Variants in RNF144B observed in about 807,000 individuals in gnomAD.
RNF144B encodes the protein E3 ubiquitin-protein ligase RNF144B.
A neutral mutation model predicts 40.2 loss-of-function variants in RNF144B; 25 were observed. That is an observed-to-expected ratio of 0.62 (90% CI 0.45 to 0.87). The LOEUF (loss-of-function observed/expected upper bound fraction) is 0.87. RNF144B is among the 40% of genes least tolerant of loss of function. The pLI, the probability that RNF144B is intolerant of heterozygous loss-of-function variation, is 0.00. For missense variants in RNF144B, 365 were observed against 373.7 expected (o/e 0.98, Z 0.19); for synonymous variants, 145 against 136.3 (o/e 1.06, Z -0.44).
In RNF144B at chr6:18,463,268, AAATC is replaced by A. The variant is rs752408758; in HGVS notation, c.682-18_682-15del. On this transcript the variant is annotated intron_variant, in intron 6 of 7. Coordinates refer to ENST00000259939, the MANE Select transcript of RNF144B (RefSeq NM_182757.4). ...TCAATTTAAAACTGCATATTTACTG[AAATC>A]AATCTTTTTATTTTTCAGAATGACA... is the stretch of plus-strand genomic sequence containing the variant. 5 of 1,455,470 alleles carry A rather than the reference AAATC, an allele frequency of 3.4e-6. No individual in the cohort carries two copies. The highest frequency in any genetic ancestry group is 4.8e-6 in the Non-Finnish European group (5 of 1,035,372). 90.2% of individuals were successfully genotyped at this position (1,455,470 alleles called of 1,614,324 possible). A position where few individuals can be genotyped will look rare whatever the true frequency, so the allele number is the denominator to read the frequency against.
At position 18,466,168 on chromosome 6, in the gene RNF144B, T is replaced by G. The variant is rs545235606; in HGVS notation, c.*1101T>G. ...ATCTGCCTAAAGATTTTTTGCATAT[T>G]ATATATGTGAATTTTGGTTGTAAGT... On this transcript the variant is annotated 3_prime_UTR_variant, in exon 8 of 8. Transcript: ENST00000259939. 27 of 152,364 alleles carry G rather than the reference T, an allele frequency of 1.8e-4. No homozygotes were observed. The highest frequency in any genetic ancestry group is 6.3e-4 in the African/African-American group (26 of 41,590). The allele number at this position is 152,364 out of a possible 1,614,324, so 9.4% of individuals were successfully genotyped here. A position where few individuals can be genotyped will look rare whatever the true frequency, so the allele number is the denominator to read the frequency against.
intron 2 of RNF144B, 22 bp downstream of exon 2, chr6:18,399,721 C>A: frequency 6.3e-7 from 1 of 1,578,806 alleles, no homozygotes. Flanking sequence ...TTGATGCTTT[C>A]ACTATGAGAA....
At chr6:18,432,191 C>T (rs1262482225) in intron 3 of RNF144B, among the ~76,000 whole-genome samples, 2 of 152,018 alleles carry the variant, frequency 1.3e-5, no homozygotes, top group African/African-American at 4.8e-5. Context: ...TTAGTACTAC[C>T]CCATTTTATA....
At chr6:18,463,428 C>A in intron 7 of RNF144B, 48 bp downstream of exon 7, 1 of 1,063,666 alleles carries the variant, frequency 9.4e-7, no homozygotes, top group Non-Finnish European at 1.5e-6. Flanking sequence ...ATCGTGATGG[C>A]TTAAAGAGCC....
At chr6:18,390,651 A>G (rs923171693) in intron 1 of RNF144B, among the ~76,000 whole-genome samples, 5 of 152,258 alleles carry the variant, frequency 3.3e-5, no homozygotes, top group African/African-American at 1.2e-4. Context: ...TTTGAGTCCC[A>G]GCCCTTCATC....
intron 2 of RNF144B, among the ~76,000 whole-genome samples, chr6:18,413,425 A>G (rs1464346107): frequency 6.6e-6 from 1 of 151,468 alleles, no homozygotes; most frequent in Non-Finnish European, 1.5e-5. Context: ...GTATGTAATC[A>G]GAATATAGTG....
intron 1 of RNF144B, among the ~76,000 whole-genome samples, chr6:18,392,048 A>G (rs1056300650): frequency 6.7e-6 from 1 of 148,430 alleles, no homozygotes; most frequent in African/African-American, 2.5e-5. Flanking sequence ...AAAAAAAAAA[A>G]AAAAAAAAAA....
At chr6:18,445,661 A>G (rs7741953) in intron 4 of RNF144B, among the ~76,000 whole-genome samples, 19,014 of 152,200 alleles carry the variant, frequency 0.12, 1,366 homozygotes, top group Admixed American at 0.19. Flanking sequence ...TTTTGAAGGC[A>G]CTATTATTTA....
At position 18,457,026 on chromosome 6, in the gene RNF144B, A is replaced by T; in HGVS notation, c.332-129A>T. The T allele has an allele frequency of 1.3e-6, 1 of 787,416 alleles. No individual in the cohort carries two copies. Among genetic ancestry groups the T allele is most frequent in the Non-Finnish European group, 2.2e-6 (1 of 451,104 alleles). 48.8% of individuals were successfully genotyped at this position (787,416 alleles called of 1,614,324 possible). On this transcript the variant is annotated intron_variant, in intron 4 of 7. Transcript: ENST00000259939. The surrounding 1 kb of genome is among the most constrained non-coding windows in gnomAD (Gnocchi z 5.1). ...CAGTGAGCTGAAATCATGCCACTGTACTCCAGCCTGGGCGACAGAGTGAGA... is the reference window on the plus strand; with the variant it reads ...CAGTGAGCTGAAATCATGCCACTGTTCTCCAGCCTGGGCGACAGAGTGAGA...
chr6:18,453,901 A>G (rs890748422), intron 4 of RNF144B, among the ~76,000 whole-genome samples: 1 of 152,226 alleles, frequency 6.6e-6, no homozygotes, highest in African/African-American at 2.4e-5. Context: ...TGCAAGGAAC[A>G]GAATGCCTGC....
rs537877195 is a variant in RNF144B at position 18,448,625 on chromosome 6, G to C, written c.332-8530G>C. On this transcript the variant is annotated intron_variant, in intron 4 of 7. Coordinates refer to ENST00000259939, the MANE Select transcript of RNF144B (RefSeq NM_182757.4). The surrounding 1 kb of genome is among the most constrained non-coding windows in gnomAD (Gnocchi z 4.0). ...GAGCACCAACTTTGTGTAAGTCACT[G>C]TTTTTCAAAGTATAGAACTGTGACC... Among the ~76,000 whole-genome samples the C allele has an allele frequency of 2.6e-5, 4 of 151,628 alleles. No homozygotes were observed. Among genetic ancestry groups the C allele is most frequent in the Admixed American group, 6.6e-5 (1 of 15,224 alleles).
At chr6:18,401,599 C>T (rs1347568643) in intron 2 of RNF144B, among the ~76,000 whole-genome samples, 2 of 152,174 alleles carry the variant, frequency 1.3e-5, no homozygotes, top group African/African-American at 4.8e-5. Context: ...AAATACTCCT[C>T]TAACTTTCTT....
chr6:18,442,002 A>G lies in RNF144B; in HGVS notation c.331+2258A>G, dbSNP rs1340789670. 6.6e-6 allele frequency among the ~76,000 whole-genome samples: 1 copy of G among 152,250 alleles called. No homozygotes were observed. The highest frequency in any genetic ancestry group is 1.5e-5 in the Non-Finnish European group (1 of 68,044). On this transcript the variant is annotated intron_variant, in intron 4 of 7. Transcript: ENST00000259939. The surrounding 1 kb of genome is among the most constrained non-coding windows in gnomAD (Gnocchi z 4.3). ...AGGTAATCATACCGTTCTTCAGGAA[A>G]TATCATCATACTGAAGTAGATATTA...
chr6:18,401,404 C>G (rs1276801281), intron 2 of RNF144B, among the ~76,000 whole-genome samples: 1 of 152,146 alleles, frequency 6.6e-6, no homozygotes, highest in Non-Finnish European at 1.5e-5. Context: ...TTAGGGAGTG[C>G]TCAAAAGCAG....
chr6:18,440,875 A>ATGAG (rs1758947904), intron 4 of RNF144B, among the ~76,000 whole-genome samples: 1 of 146,130 alleles, frequency 6.8e-6, no homozygotes, highest in South Asian at 2.3e-4. Flanking sequence ...AGGCTGATAT[A>ATGAG]TTAAGCTAAA....
rs58598090 is a variant in RNF144B, at chr6:18,410,994, C to CTTT, written c.165+11302_165+11304dup. On this transcript the variant is annotated intron_variant, in intron 2 of 7. Coordinates refer to ENST00000259939, the MANE Select transcript of RNF144B (RefSeq NM_182757.4). The surrounding 1 kb of genome is among the most constrained non-coding windows in gnomAD (Gnocchi z 4.6). Reference sequence around the variant, plus strand: ...TTCTTTTTTTTTCTTCTTTTCTTTTCTTTTTTTTTGAGACGGAGTCTCATT... The same window carrying CTTT: ...TTCTTTTTTTTTCTTCTTTTCTTTTCTTTTTTTTTTTTGAGACGGAGTCTCATT... 6.8e-6 allele frequency among the ~76,000 whole-genome samples: 1 copy of CTTT among 147,848 alleles called. No homozygotes were observed. Among genetic ancestry groups the CTTT allele is most frequent in the African/African-American group, 2.5e-5 (1 of 39,946 alleles).
At chr6:18,436,530 G>A (rs1758827454) in intron 3 of RNF144B, among the ~76,000 whole-genome samples, 2 of 152,094 alleles carry the variant, frequency 1.3e-5, no homozygotes, top group African/African-American at 2.4e-5. Flanking sequence ...GAAGTTGGGG[G>A]AATGGCATTT....
Position 18,410,107 on chromosome 6 carries a change from C to T in RNF144B, c.165+10408C>T, listed in dbSNP as rs1038078134. On this transcript the variant is annotated intron_variant, in intron 2 of 7. Coordinates refer to ENST00000259939, the MANE Select transcript of RNF144B (RefSeq NM_182757.4). The surrounding 1 kb of genome is among the most constrained non-coding windows in gnomAD (Gnocchi z 4.6). ...ATCAGAATGTAATAGGCTGGCCAAACATGCAAATCATGACCAGAGAGCAGG... is the reference window on the plus strand; with the variant it reads ...ATCAGAATGTAATAGGCTGGCCAAATATGCAAATCATGACCAGAGAGCAGG... 2.6e-5 allele frequency among the ~76,000 whole-genome samples: 4 copies of T among 152,160 alleles called. No individual in the cohort carries two copies. The highest frequency in any genetic ancestry group is 7.2e-5 in the African/African-American group (3 of 41,432).
intron 3 of RNF144B, 25 bp downstream of exon 3, chr6:18,427,710 C>G (rs775458951): frequency 1.5e-6 from 2 of 1,347,544 alleles, no homozygotes; most frequent in East Asian, 4.6e-5. Flanking sequence ...CATCATCTTC[C>G]CCTCTTTCCT....
Sources: allele counts gnomAD v4.1 joint callset (sites outside exome capture counted in the v4.1 genomes callset), GRCh38; gene constraint gnomAD v4.1.1; non-coding constraint Gnocchi (gnomAD v3.1); transcripts MANE v1.5; gene names NCBI Gene and HGNC (gene_info 2026-07-23, HGNC 2026-07-21).